The following MAEL variants were observed in gnomAD, a reference collection of about 807,000 sequenced individuals.
MAEL encodes the protein maelstrom spermatogenic transposon silencer, also known as protein maelstrom homolog.
In MAEL, 46 loss-of-function variants were observed where a neutral mutation model predicts 62.0. The observed-to-expected ratio is 0.74, with a 90% confidence interval of 0.59 to 0.95. MAEL has a LOEUF of 0.95. Ranked by LOEUF, MAEL falls within the 40% of genes least tolerant of loss-of-function variation. The probability of loss-of-function intolerance (pLI) is 0.00; values close to 1 mark genes in which losing one functional copy is unlikely to be tolerated. For missense variants in MAEL, 497 were observed against 526.8 expected, an observed-to-expected ratio of 0.94 and a Z score of 0.55; for synonymous variants, 172 against 175.5, an observed-to-expected ratio of 0.98 and a Z score of 0.16.
intron 2 of MAEL, among the ~76,000 whole-genome samples, chr1:166,990,955 C>T (rs896712612): frequency 2.6e-5 from 4 of 152,224 alleles, no homozygotes; most frequent in African/African-American, 7.2e-5. Context: ...AGATATCTCT[C>T]CTCAAAACTA....
At chr1:167,004,968 C>G in intron 6 of MAEL, 108 bp from the exon 7 acceptor site, 1 of 1,020,272 alleles carries the variant, frequency 9.8e-7, no homozygotes. Context: ...CCTGTGCCCC[C>G]TACCTCCCAA....
intron 5 of MAEL, among the ~76,000 whole-genome samples, chr1:166,998,056 T>G (rs1664502165): frequency 6.6e-6 from 1 of 152,224 alleles, no homozygotes; most frequent in Non-Finnish European, 1.5e-5. Flanking sequence ...TTCTACTTTT[T>G]TGCTGTCAAT....
Position 166,989,314 on chromosome 1 carries a change from T to C in MAEL, c.-39T>C, listed in dbSNP as rs769771617. 1.0e-5 allele frequency: 16 copies of C among 1,596,366 alleles called. No homozygotes were observed. The highest frequency in any genetic ancestry group is 1.7e-4 in the Middle Eastern group (1 of 5,992). ...GGGAGCCCGGCGAGGGCGCCGGTGC[T>C]TTGTTCTGTCTGAGGCCAGGAAGTT... On this transcript the variant is annotated 5_prime_UTR_variant, in exon 1 of 12. Transcript: ENST00000367872.
intron 5 of MAEL, among the ~76,000 whole-genome samples, chr1:166,994,666 A>ATTTTTT (rs35009494): frequency 3.3e-5 from 4 of 119,606 alleles, no homozygotes; most frequent in African/African-American, 6.7e-5. Flanking sequence ...CTGTAAGGTA[A>ATTTTTT]TTTTTTTTTT....
At chr1:166,980,418 T>C (rs1663725695) in intron 1 of MAEL, among the ~76,000 whole-genome samples, 1 of 152,184 alleles carries the variant, frequency 6.6e-6, no homozygotes, top group African/African-American at 2.4e-5. Flanking sequence ...ATTGTGAATT[T>C]GTCCTCCAGT....
rs144722963 is a variant in MAEL at position 167,017,889 on chromosome 1, C to T, written c.971C>T (p.Pro324Leu). Residue 324 changes from proline (P) to leucine (L), a missense_variant, in exon 10 of 12, where the codon CCA becomes CTA. Coordinates refer to ENST00000367872, the MANE Select transcript of MAEL (RefSeq NM_032858.3). Reference protein sequence around the residue: ...FGIQLTEAHVPLQDYEASNSV... With the variant: ...FGIQLTEAHVLLQDYEASNSV... ...ATCCAGCTCACAGAGGCTCATGTACCACTACAAGATTATGAGGCCAGCAAT... is the reference window on the plus strand; with the variant it reads ...ATCCAGCTCACAGAGGCTCATGTACTACTACAAGATTATGAGGCCAGCAAT... 9.5e-5 allele frequency: 154 copies of T among 1,613,082 alleles called. 1 individual carries two copies. Among genetic ancestry groups the T allele is most frequent in the Non-Finnish European group, 1.3e-4 (152 of 1,179,484 alleles).
upstream of MAEL, among the ~76,000 whole-genome samples, chr1:166,986,759 C>A (rs999256862): frequency 5.3e-5 from 8 of 151,666 alleles, no homozygotes; most frequent in African/African-American, 1.7e-4. Flanking sequence ...CATAAAACAG[C>A]CTGAAGTAGA....
intron 5 of MAEL, among the ~76,000 whole-genome samples, chr1:166,995,712 C>A (rs747653402): frequency 8.6e-5 from 13 of 151,756 alleles, no homozygotes; most frequent in African/African-American, 1.2e-4. Flanking sequence ...GAAACTTAGC[C>A]GGTGAATTAA....
chr1:167,007,525 A>C (rs986220484), intron 8 of MAEL, among the ~76,000 whole-genome samples: 2 of 151,472 alleles, frequency 1.3e-5, no homozygotes, highest in Non-Finnish European at 2.9e-5. Flanking sequence ...TTGATTCTAG[A>C]TCCCCTTAGT....
chr1:167,007,689 C>G (rs1664987811), intron 8 of MAEL, among the ~76,000 whole-genome samples: 1 of 151,656 alleles, frequency 6.6e-6, no homozygotes, highest in African/African-American at 2.4e-5. Context: ...CACACTTAAC[C>G]TGTAATTTCA....
In MAEL at chr1:166,981,510, C is replaced by A. The variant is rs550124792; in HGVS notation, c.-121+5844C>A. ...GTGTGTAGAGAGGGAGGGAGGGAGGCAAATATGTGGTCTTTATGATGGTGT... is the reference window on the plus strand; with the variant it reads ...GTGTGTAGAGAGGGAGGGAGGGAGGAAAATATGTGGTCTTTATGATGGTGT... On this transcript the variant is annotated intron_variant, in intron 1 of 12. Transcript: ENST00000622874. 5.5e-3 allele frequency among the ~76,000 whole-genome samples: 831 copies of A among 151,572 alleles called. 7 individuals are homozygous for A. The highest frequency in any genetic ancestry group is 0.019 in the African/African-American group (791 of 41,118).
At chr1:166,987,473 T>C (rs6669886), upstream of MAEL, among the ~76,000 whole-genome samples, 26,568 of 152,124 alleles carry the variant, frequency 0.17, 2,468 homozygotes, top group East Asian at 0.24. Context: ...ATAGTGCTAC[T>C]CTCAAAATTC....
At chr1:167,016,678 A>T (rs1239595936) in intron 9 of MAEL, among the ~76,000 whole-genome samples, 2 of 151,928 alleles carry the variant, frequency 1.3e-5, no homozygotes, top group African/African-American at 4.8e-5. Context: ...AAATATCTAC[A>T]CTCCCATGTT....
intron 8 of MAEL, among the ~76,000 whole-genome samples, chr1:167,013,790 AAGC>A (rs1262072579): frequency 6.6e-6 from 1 of 152,208 alleles, no homozygotes; most frequent in Non-Finnish European, 1.5e-5. Flanking sequence ...CCTGTAAGGA[AAGC>A]AGACAAGAGA....
intron 5 of MAEL, among the ~76,000 whole-genome samples, chr1:166,998,863 A>C (rs1664540438): frequency 6.6e-6 from 1 of 152,016 alleles, no homozygotes; most frequent in Non-Finnish European, 1.5e-5. Flanking sequence ...AATATTTCAA[A>C]CTTTGTCATT....
chr1:167,010,323 CA>C (rs1665114367), intron 8 of MAEL, among the ~76,000 whole-genome samples: 1 of 152,180 alleles, frequency 6.6e-6, no homozygotes, highest in African/African-American at 2.4e-5. Context: ...TACTTCACAG[CA>C]GTGTGAGAAC....
intron 1 of MAEL, among the ~76,000 whole-genome samples, chr1:166,983,344 AGT>A (rs1335850627): frequency 6.6e-6 from 1 of 152,098 alleles, no homozygotes; most frequent in Admixed American, 6.5e-5. Flanking sequence ...TCTAAACGCT[AGT>A]GTTCCTCAGG....
intron 1 of MAEL, 113 bp from the exon 2 acceptor site, chr1:166,989,624 G>A: frequency 6.8e-7 from 1 of 1,470,250 alleles, no homozygotes; most frequent in Non-Finnish European, 9.2e-7. Flanking sequence ...TGTGGCCCTG[G>A]GCAAACCGAC....
intron 1 of MAEL, among the ~76,000 whole-genome samples, chr1:166,983,126 T>C (rs1263946664): frequency 2.6e-5 from 4 of 152,214 alleles, no homozygotes. Flanking sequence ...ATTTATTACC[T>C]GGGTTTTTTT....
Sources: allele counts gnomAD v4.1 joint callset (sites outside exome capture counted in the v4.1 genomes callset), GRCh38; gene constraint gnomAD v4.1.1; transcripts MANE v1.5; gene names NCBI Gene and HGNC (gene_info 2026-07-23, HGNC 2026-07-21).